UBR3: variants seen among roughly 807,000 people sequenced by gnomAD.
UBR3 encodes the protein ubiquitin protein ligase E3 component n-recognin 3.
Under a neutral mutation model 243.2 loss-of-function variants are expected in UBR3, and 85 were observed. The ratio of observed to expected loss-of-function variants is 0.35; its 90% CI spans 0.29 to 0.42. The LOEUF (loss-of-function observed/expected upper bound fraction) is 0.42. UBR3 is among the 10% of genes least tolerant of loss of function. The probability of loss-of-function intolerance (pLI) is 1.00; values close to 1 mark genes in which losing one functional copy is unlikely to be tolerated. For missense variants in UBR3, 1,686 were observed against 2,300.8 expected (o/e 0.73, Z 5.47); for synonymous variants, 748 against 799.8 (o/e 0.94, Z 1.09).
chr2:169,942,639 A>G lies in UBR3; in HGVS notation c.2805+5A>G. On this transcript the variant is annotated splice_donor_5th_base_variant and intron_variant, in intron 20 of 38. Coordinates refer to ENST00000272793, the MANE Select transcript of UBR3 (RefSeq NM_172070.4). ...CTATTCACTCTGCTTTACAAGGTAC[A>G]GTAGTAATTTGAATAGAAAGACTAA... is the stretch of plus-strand genomic sequence containing the variant. 1 of 1,507,150 alleles carries G rather than the reference A, an allele frequency of 6.6e-7. No homozygotes were observed. The highest frequency in any genetic ancestry group is 2.5e-5 in the East Asian group (1 of 39,974). 93.4% of individuals were successfully genotyped at this position (1,507,150 alleles called of 1,614,324 possible).
At chr2:169,930,478 CT>C in intron 18 of UBR3, among the ~76,000 whole-genome samples, 1 of 151,964 alleles carries the variant, frequency 6.6e-6, no homozygotes, top group Middle Eastern at 3.2e-3. Context: ...CCTTGACCTA[CT>C]GGGCTCAAGT....
intron 8 of UBR3, among the ~76,000 whole-genome samples, chr2:169,904,677 C>T (rs2084950022): frequency 6.6e-6 from 1 of 151,868 alleles, no homozygotes; most frequent in African/African-American, 2.4e-5. Flanking sequence ...AAATGTACAT[C>T]TCTTGAAATC....
intron 31 of UBR3, among the ~76,000 whole-genome samples, chr2:170,040,546 A>G (rs1011469372): frequency 6.6e-6 from 1 of 152,170 alleles, no homozygotes; most frequent in Non-Finnish European, 1.5e-5. Context: ...AAGCCACTCC[A>G]TTTGTAGTGA....
chr2:170,019,658 C>T (rs866936612), intron 30 of UBR3, among the ~76,000 whole-genome samples: 4 of 152,082 alleles, frequency 2.6e-5, no homozygotes, highest in Middle Eastern at 3.4e-3. Flanking sequence ...GCACTACAGA[C>T]TGGGTGACAA....
At chr2:169,875,636 C>G (rs1195910741) in intron 2 of UBR3, among the ~76,000 whole-genome samples, 155 bp from the exon 3 acceptor site, 3 of 152,078 alleles carry the variant, frequency 2.0e-5, no homozygotes, top group Admixed American at 2.0e-4. Context: ...TGGGCAGATA[C>G]CAATTTCTAA....
rs1456902147 is a variant in UBR3 at position 169,855,106 on chromosome 2, T to C, written c.546-17130T>C. 2.0e-5 allele frequency among the ~76,000 whole-genome samples: 3 copies of C among 152,194 alleles called. No individual in the cohort carries two copies. In the East Asian group the frequency reaches 5.8e-4, roughly 29 times the overall value. ...ACATTTTCCTCCAGGTTGACTCATCTGGGAATAATATGCAGATTCTTTCTT... is the reference window on the plus strand; with the variant it reads ...ACATTTTCCTCCAGGTTGACTCATCCGGGAATAATATGCAGATTCTTTCTT... On this transcript the variant is annotated intron_variant, in intron 1 of 38. Transcript: ENST00000272793.
intron 32 of UBR3, among the ~76,000 whole-genome samples, chr2:170,054,463 T>C (rs1021918530): frequency 6.6e-6 from 1 of 152,090 alleles, no homozygotes; most frequent in Admixed American, 6.5e-5. Context: ...TTGTATTTTT[T>C]AGTAGAGACA....
At chr2:169,882,078 T>G (rs2083889469) in intron 5 of UBR3, among the ~76,000 whole-genome samples, 1 of 128,336 alleles carries the variant, frequency 7.8e-6, no homozygotes, top group African/African-American at 3.0e-5. Context: ...TATAATTATA[T>G]ATGTATGTAT....
At chr2:170,076,452 A>G (rs1435021632) in intron 36 of UBR3, among the ~76,000 whole-genome samples, 5 of 152,218 alleles carry the variant, frequency 3.3e-5, no homozygotes, top group African/African-American at 1.2e-4. Flanking sequence ...GATGTCACAT[A>G]TAGTCCTTAC....
chr2:169,943,048 A>G (rs1033506565), intron 20 of UBR3, among the ~76,000 whole-genome samples: 2 of 152,192 alleles, frequency 1.3e-5, no homozygotes, highest in African/African-American at 4.8e-5. Flanking sequence ...CCCTCTAATC[A>G]GGAAAGTGAC....
intron 1 of UBR3, among the ~76,000 whole-genome samples, chr2:169,856,387 G>A (rs1442086893): frequency 2.6e-5 from 4 of 151,726 alleles, no homozygotes; most frequent in African/African-American, 2.4e-5. Flanking sequence ...CATCCCAGAC[G>A]ATGGGCGGCT....
At chr2:170,020,672 T>C (rs1187048965) in intron 30 of UBR3, among the ~76,000 whole-genome samples, 1 of 152,230 alleles carries the variant, frequency 6.6e-6, no homozygotes, top group Non-Finnish European at 1.5e-5. Flanking sequence ...CTAGGAGTTA[T>C]ACTCTAGGAA....
chr2:169,847,728 T>TC (rs2082530604), intron 1 of UBR3, among the ~76,000 whole-genome samples: 1 of 152,210 alleles, frequency 6.6e-6, no homozygotes, highest in Non-Finnish European at 1.5e-5. Flanking sequence ...GTGTCACCTA[T>TC]CTAATACCTG....
At chr2:169,994,214 ATAG>A in intron 25 of UBR3, 106 bp from the exon 26 acceptor site, 1 of 1,288,866 alleles carries the variant, frequency 7.8e-7, no homozygotes, top group Non-Finnish European at 1.1e-6. Context: ...AAATATTCTA[ATAG>A]TGAAATAATT....
At chr2:170,029,541 A>AT (rs912866047) in intron 31 of UBR3, 93 bp downstream of exon 31, 59 of 890,482 alleles carry the variant, frequency 6.6e-5, no homozygotes, top group African/African-American at 4.2e-4. Context: ...AATATATGTG[A>AT]TTTTTTCACA....
At chr2:170,013,881 C>T (rs562016653) in intron 29 of UBR3, 17 of 468,668 alleles carry the variant, frequency 3.6e-5, no homozygotes, top group Non-Finnish European at 4.4e-5. Flanking sequence ...ATGTATTGAT[C>T]TCATTTATAT....
intron 35 of UBR3, among the ~76,000 whole-genome samples, chr2:170,064,104 T>G (rs1427951066): frequency 6.6e-6 from 1 of 152,252 alleles, no homozygotes; most frequent in Non-Finnish European, 1.5e-5. Flanking sequence ...TAATTATAAA[T>G]GCAATTTCAT....
chr2:169,904,403 C>T (rs1472175810), intron 8 of UBR3, among the ~76,000 whole-genome samples: 2 of 152,050 alleles, frequency 1.3e-5, no homozygotes, highest in African/African-American at 4.8e-5. Context: ...ATGGAAACTT[C>T]CTAGTCCAGT....
At chr2:169,856,223 A>G (rs1241963054) in intron 1 of UBR3, among the ~76,000 whole-genome samples, 7 of 147,820 alleles carry the variant, frequency 4.7e-5, no homozygotes, top group African/African-American at 1.8e-4. Flanking sequence ...GGCGCTCCTC[A>G]CATCCCAGAT....
Sources: allele counts gnomAD v4.1 joint callset (sites outside exome capture counted in the v4.1 genomes callset), GRCh38; gene constraint gnomAD v4.1.1; transcripts MANE v1.5; gene names NCBI Gene and HGNC (gene_info 2026-07-23, HGNC 2026-07-21).